Variants in GRM7 observed in about 807,000 individuals in gnomAD.
GRM7 encodes metabotropic glutamate receptor 7.
GRM7 carries 35 observed loss-of-function variants against 84.5 expected under a neutral mutation model. That is an observed-to-expected ratio of 0.41 (90% CI 0.32 to 0.55). The LOEUF (loss-of-function observed/expected upper bound fraction) is 0.55, where lower values mean the gene tolerates loss of function less well. Among genes scored for constraint, GRM7 ranks in the 20% least tolerant of loss-of-function variants. GRM7 has a pLI of 0.19. For synonymous variants in GRM7, 487 were observed against 455.1 expected (o/e 1.07, Z -0.89); for missense variants, 1,003 against 1,194.6 (o/e 0.84, Z 2.36).
At chr3:7,032,851 G>A (rs1477937649) in intron 1 of GRM7, among the ~76,000 whole-genome samples, 1 of 152,098 alleles carries the variant, frequency 6.6e-6, no homozygotes, top group South Asian at 2.1e-4. Context: ...GACAAACCTA[G>A]GATTAGAATT....
intron 4 of GRM7, among the ~76,000 whole-genome samples, chr3:7,396,181 T>C (rs1292258438): frequency 6.6e-6 from 1 of 152,098 alleles, no homozygotes; most frequent in Non-Finnish European, 1.5e-5. Context: ...GGAGAAAATT[T>C]TGGACAAAAC....
At chr3:7,668,809 A>G (rs1347481948) in intron 8 of GRM7, among the ~76,000 whole-genome samples, 2 of 152,232 alleles carry the variant, frequency 1.3e-5, no homozygotes, top group African/African-American at 2.4e-5. Context: ...ATGAGTGAGG[A>G]CCACTTCATT....
chr3:7,506,980 C>G (rs987555884), intron 7 of GRM7, among the ~76,000 whole-genome samples: 1 of 152,084 alleles, frequency 6.6e-6, no homozygotes, highest in African/African-American at 2.4e-5. Flanking sequence ...TATCAGACAG[C>G]CTTCATATCA....
intron 9 of GRM7, among the ~76,000 whole-genome samples, chr3:7,690,327 G>C (rs1575636559): frequency 6.6e-6 from 1 of 152,014 alleles, no homozygotes; most frequent in Admixed American, 6.6e-5. Flanking sequence ...CATACCAAAG[G>C]CTCCTGTTAC....
At chr3:7,702,023 A>T (rs1271919999) in intron 9 of GRM7, among the ~76,000 whole-genome samples, 1 of 152,186 alleles carries the variant, frequency 6.6e-6, no homozygotes, top group Non-Finnish European at 1.5e-5. Flanking sequence ...TATATAGAAG[A>T]AAAGGGAGGG....
intron 1 of GRM7, among the ~76,000 whole-genome samples, chr3:7,075,303 A>G (rs1156697226): frequency 8.5e-5 from 13 of 152,172 alleles, no homozygotes; most frequent in Admixed American, 8.5e-4. Context: ...AAGCAGCATC[A>G]GCTGCTGCCT....
chr3:7,230,617 G>A (rs1403308264), intron 2 of GRM7, among the ~76,000 whole-genome samples: 3 of 152,150 alleles, frequency 2.0e-5, no homozygotes, highest in Admixed American at 6.5e-5. Context: ...GTAGAAACTA[G>A]GGCATAGATT....
chr3:7,638,170 G>C (rs1698188457), intron 8 of GRM7, among the ~76,000 whole-genome samples: 1 of 151,660 alleles, frequency 6.6e-6, no homozygotes, highest in South Asian at 2.1e-4. Context: ...GGGAGGGTAA[G>C]GTCAAGTTCC....
chr3:7,029,321 A>AC lies in GRM7; in HGVS notation c.520-117131_520-117130insC, dbSNP rs1486775851. Among the ~76,000 whole-genome samples the AC allele has an allele frequency of 2.3e-3, 347 of 151,498 alleles. 4 individuals carry two copies. The highest frequency in any genetic ancestry group is 0.014 in the South Asian group (66 of 4,780). ...TGCCTCAAAAAAAAAAAAACAAAAA[A>AC]AAAAAACAAACAAAAAAAACATGAA... On this transcript the variant is annotated intron_variant, in intron 1 of 9. Coordinates refer to ENST00000357716, the MANE Select transcript of GRM7 (RefSeq NM_000844.4).
chr3:7,312,516 C>T (rs778197400), intron 4 of GRM7, among the ~76,000 whole-genome samples: 2 of 152,174 alleles, frequency 1.3e-5, no homozygotes, highest in Non-Finnish European at 1.5e-5. Flanking sequence ...TTCCTGCAGA[C>T]TGTAGCTTGG....
chr3:7,170,310 G>A (rs1161322598), intron 2 of GRM7, among the ~76,000 whole-genome samples: 1 of 152,166 alleles, frequency 6.6e-6, no homozygotes, highest in African/African-American at 2.4e-5. Context: ...CAGAAACAAT[G>A]CCCCAAGCCA....
chr3:6,862,702 T>C lies in GRM7; in HGVS notation c.519+795T>C, dbSNP rs1005860219. The C allele has an allele frequency of 1.8e-5, 5 of 270,814 alleles. No homozygotes were observed. The Admixed American group carries it at 2.2e-4, about 12-fold the overall frequency. 16.8% of individuals were successfully genotyped at this position (270,814 alleles called of 1,614,324 possible). A position where few individuals can be genotyped will look rare whatever the true frequency, so the allele number is the denominator to read the frequency against. ...ATGAGCTCACGCGAAACGAAATCGCTCTCCCTGCCTCCTCCCTCCTCCCCC... is the reference window on the plus strand; with the variant it reads ...ATGAGCTCACGCGAAACGAAATCGCCCTCCCTGCCTCCTCCCTCCTCCCCC... On this transcript the variant is annotated intron_variant, in intron 1 of 9. Coordinates refer to ENST00000357716, the MANE Select transcript of GRM7 (RefSeq NM_000844.4). The surrounding 1 kb of genome is among the most constrained non-coding windows in gnomAD (Gnocchi z 5.2).
At chr3:7,008,894 C>T (rs1379176447) in intron 1 of GRM7, among the ~76,000 whole-genome samples, 2 of 152,178 alleles carry the variant, frequency 1.3e-5, no homozygotes, top group African/African-American at 4.8e-5. Context: ...AAACACTCCA[C>T]TCCTGTCAAA....
At position 7,160,490 on chromosome 3, in the gene GRM7, T is replaced by A. The variant is rs527834319; in HGVS notation, c.736+13822T>A. 3.9e-5 allele frequency among the ~76,000 whole-genome samples: 6 copies of A among 152,286 alleles called. No individual in the cohort carries two copies. In the East Asian group the frequency reaches 1.2e-3, roughly 29 times the overall value. ...GATTCCATCTGATCACCCTCAGTGC[T>A]CTCTCTCTGGTCCTGCTGGATAGAT... is the stretch of plus-strand genomic sequence containing the variant. On this transcript the variant is annotated intron_variant, in intron 2 of 9. Coordinates refer to ENST00000357716, the MANE Select transcript of GRM7 (RefSeq NM_000844.4).
At chr3:7,161,207 C>T (rs1299467421) in intron 2 of GRM7, among the ~76,000 whole-genome samples, 2 of 151,994 alleles carry the variant, frequency 1.3e-5, no homozygotes, top group Non-Finnish European at 2.9e-5. Context: ...TCTGAAGGCA[C>T]CACCAAGATA....
intron 7 of GRM7, among the ~76,000 whole-genome samples, chr3:7,462,820 G>T (rs1698305036): frequency 6.6e-6 from 1 of 152,126 alleles, no homozygotes; most frequent in Non-Finnish European, 1.5e-5. Context: ...GGGTCCAAAA[G>T]ATTATGCTCT....
intron 2 of GRM7, among the ~76,000 whole-genome samples, chr3:7,235,419 TTGGCCACCACCAA>T (rs1697318680): frequency 6.6e-6 from 1 of 152,186 alleles, no homozygotes; most frequent in South Asian, 2.1e-4. Context: ...TCCTAGTAAC[TTGGCCACCACCAA>T]TAAGGAATTT....
intron 1 of GRM7, among the ~76,000 whole-genome samples, chr3:7,096,714 C>T (rs141218449): frequency 1.5e-3 from 226 of 152,216 alleles, no homozygotes; most frequent in African/African-American, 5.0e-3. Context: ...GCTCTATTCA[C>T]GGTTGTTCTT....
intron 1 of GRM7, among the ~76,000 whole-genome samples, chr3:6,911,188 C>T (rs1411713066): frequency 6.6e-6 from 1 of 151,886 alleles, no homozygotes. Context: ...TTTTTTTTGC[C>T]ACATTCAAAT....
Sources: gnomAD v4.1 joint callset for allele counts (sites outside exome capture counted in the v4.1 genomes callset) on GRCh38, gnomAD v4.1.1 for gene constraint, Gnocchi (gnomAD v3.1) non-coding constraint, MANE v1.5 for transcripts, NCBI Gene and HGNC (gene_info 2026-07-23, HGNC 2026-07-21) for gene names.